Variants in KCNH5 observed in about 807,000 individuals in gnomAD.
KCNH5 encodes the protein voltage-gated delayed rectifier potassium channel KCNH5.
KCNH5 carries 46 observed loss-of-function variants against 96.1 expected under a neutral mutation model. The observed-to-expected ratio is 0.48, with a 90% CI of 0.38 to 0.61. KCNH5 has a LOEUF of 0.61. Among genes scored for constraint, KCNH5 ranks in the 20% least tolerant of loss-of-function variants. The pLI, the probability that KCNH5 is intolerant of heterozygous loss-of-function variation, is 0.00. For synonymous variants in KCNH5, 439 were observed against 449.8 expected, an observed-to-expected ratio of 0.98 and a Z score of 0.30; for missense variants, 907 against 1,225.8, an observed-to-expected ratio of 0.74 and a Z score of 3.88.
intron 6 of KCNH5, among the ~76,000 whole-genome samples, chr14:62,967,434 C>T (rs1890325739): frequency 6.6e-6 from 1 of 151,944 alleles, no homozygotes; most frequent in South Asian, 2.1e-4. Context: ...GACATGTTCC[C>T]TTCATCAGTT....
chr14:62,979,127 C>T (rs1410063333), intron 6 of KCNH5, among the ~76,000 whole-genome samples: 1 of 152,110 alleles, frequency 6.6e-6, no homozygotes, highest in Non-Finnish European at 1.5e-5. Flanking sequence ...TGAGTGATTG[C>T]CTTTATTAAA....
At chr14:63,043,922 T>C (rs893548596) in intron 1 of KCNH5, among the ~76,000 whole-genome samples, 1 of 152,142 alleles carries the variant, frequency 6.6e-6, no homozygotes, top group Non-Finnish European at 1.5e-5. Flanking sequence ...AAGGAGCCTC[T>C]TAAGAAGAGG....
At chr14:62,779,386 TC>T (rs1193745123) in intron 10 of KCNH5, among the ~76,000 whole-genome samples, 2 of 152,114 alleles carry the variant, frequency 1.3e-5, no homozygotes, top group Non-Finnish European at 2.9e-5. Flanking sequence ...TTTAAAAAAA[TC>T]CATATAAAAA....
intron 8 of KCNH5, among the ~76,000 whole-genome samples, chr14:62,844,726 T>C (rs1025599961): frequency 1.3e-5 from 2 of 152,220 alleles, no homozygotes; most frequent in Admixed American, 1.3e-4. Context: ...AAAGCAAACT[T>C]TCATGATAGA....
chr14:62,909,909 C>G (rs1889116874), intron 7 of KCNH5, among the ~76,000 whole-genome samples: 1 of 152,058 alleles, frequency 6.6e-6, no homozygotes, highest in East Asian at 1.9e-4. Flanking sequence ...ACGAAAAATA[C>G]AATATTTCAT....
intron 7 of KCNH5, among the ~76,000 whole-genome samples, chr14:62,938,122 G>T (rs1889719875): frequency 1.3e-5 from 2 of 152,142 alleles, no homozygotes; most frequent in South Asian, 2.1e-4. Context: ...AATGAGTAAT[G>T]GTCCCAAATT....
chr14:62,833,454 C>T (rs893685473), intron 8 of KCNH5, among the ~76,000 whole-genome samples: 8 of 151,996 alleles, frequency 5.3e-5, no homozygotes, highest in African/African-American at 1.9e-4. Context: ...ACCGTATGTG[C>T]ATGGGTTTAT....
intron 8 of KCNH5, among the ~76,000 whole-genome samples, chr14:62,811,196 C>T (rs1177231246): frequency 1.3e-5 from 2 of 152,094 alleles, no homozygotes; most frequent in Non-Finnish European, 2.9e-5. Flanking sequence ...AAAGATGTAA[C>T]CTCCACATTT....
chr14:62,899,364 A>G (rs1373610116), intron 7 of KCNH5, among the ~76,000 whole-genome samples: 2 of 152,202 alleles, frequency 1.3e-5, no homozygotes, highest in Admixed American at 6.5e-5. Flanking sequence ...AAATAGGAAA[A>G]CAAATCATGT....
At chr14:62,737,445 A>G (rs1200628221) in intron 10 of KCNH5, among the ~76,000 whole-genome samples, 1 of 152,188 alleles carries the variant, frequency 6.6e-6, no homozygotes, top group Non-Finnish European at 1.5e-5. Context: ...CTTACCTGGC[A>G]TAAGTGGCCT....
chr14:62,915,853 C>T lies in KCNH5; in HGVS notation c.1369+34280G>A, dbSNP rs1490801961. On this transcript the variant is annotated intron_variant, in intron 7 of 10. Coordinates refer to ENST00000322893, the MANE Select transcript of KCNH5 (RefSeq NM_139318.5). ...TATGAGATAGGTGTCATAACCCCCA[C>T]GTGATAAATGAAAAACTGTGTTTTA... Among the ~76,000 whole-genome samples the T allele has an allele frequency of 5.3e-5, 8 of 152,092 alleles. No individual in the cohort carries two copies. In the East Asian group the frequency reaches 1.2e-3, roughly 22 times the overall value.
At chr14:62,931,029 C>T (rs1889570939) in intron 7 of KCNH5, among the ~76,000 whole-genome samples, 1 of 152,032 alleles carries the variant, frequency 6.6e-6, no homozygotes, top group Non-Finnish European at 1.5e-5. Context: ...GAGATACCTG[C>T]CGGAGATGGG....
intron 7 of KCNH5, among the ~76,000 whole-genome samples, chr14:62,873,693 A>C (rs1208754474): frequency 6.6e-6 from 1 of 152,216 alleles, no homozygotes; most frequent in Non-Finnish European, 1.5e-5. Context: ...CTATCTGTTT[A>C]TTATACATGC....
chr14:62,745,146 C>G (rs1226411645), intron 10 of KCNH5, among the ~76,000 whole-genome samples: 1 of 152,206 alleles, frequency 6.6e-6, no homozygotes, highest in Admixed American at 6.5e-5. Flanking sequence ...AAGGTCAACT[C>G]TCCAGGCTTT....
At chr14:63,004,954 C>CT (rs1891098014) in intron 3 of KCNH5, among the ~76,000 whole-genome samples, 1 of 152,124 alleles carries the variant, frequency 6.6e-6, no homozygotes, top group Non-Finnish European at 1.5e-5. Context: ...AAATTATTTG[C>CT]TAAACTTGGA....
intron 8 of KCNH5, among the ~76,000 whole-genome samples, chr14:62,803,276 AT>A (rs1321245869): frequency 5.3e-5 from 8 of 152,148 alleles, no homozygotes; most frequent in East Asian, 3.9e-4. Context: ...ATGTTTCAGA[AT>A]TTTTTTTATA....
intron 5 of KCNH5, among the ~76,000 whole-genome samples, chr14:62,983,470 C>T (rs185245792): frequency 1.3e-5 from 2 of 151,722 alleles, no homozygotes; most frequent in East Asian, 1.9e-4. Context: ...TAATATCACA[C>T]ATTCAGTTTT....
At chr14:62,843,683 T>C (rs1443727205) in intron 8 of KCNH5, among the ~76,000 whole-genome samples, 1 of 152,164 alleles carries the variant, frequency 6.6e-6, no homozygotes, top group African/African-American at 2.4e-5. Context: ...GTGCTGGGAT[T>C]ACAGGCGTGA....
intron 4 of KCNH5, among the ~76,000 whole-genome samples, chr14:62,990,268 CT>C (rs932547468): frequency 3.9e-5 from 6 of 151,918 alleles, no homozygotes; most frequent in African/African-American, 1.2e-4. Flanking sequence ...ACAATGAAAG[CT>C]TATTGTCATC....
Sources: gnomAD v4.1 joint callset for allele counts (sites outside exome capture counted in the v4.1 genomes callset) on GRCh38, gnomAD v4.1.1 for gene constraint, MANE v1.5 for transcripts, NCBI Gene and HGNC (gene_info 2026-07-23, HGNC 2026-07-21) for gene names.